The following PHF24 variants were observed in gnomAD, a reference collection of about 807,000 sequenced individuals.
The protein encoded by PHF24 is Galpha inhibitory interacting protein.
PHF24 carries 25 observed loss-of-function variants against 42.6 expected under a neutral mutation model. The ratio of observed to expected loss-of-function variants is 0.59; its 90% CI spans 0.43 to 0.82. PHF24 has a LOEUF of 0.82. PHF24 is among the 40% of genes least tolerant of loss of function. PHF24 has a pLI of 0.00. For missense variants in PHF24, 470 were observed against 538.1 expected (o/e 0.87, Z 1.25); for synonymous variants, 185 against 204.8 (o/e 0.90, Z 0.83).
intron 4 of PHF24, 104 bp from the exon 5 acceptor site, chr9:34,976,431 G>A (rs1827187200): frequency 8.0e-7 from 1 of 1,251,232 alleles, no homozygotes. Context: ...CAGAGACTTA[G>A]CAAGAGCTGT....
At chr9:34,752,165 CAA>C in the PHF24 span, among the ~76,000 whole-genome samples, 201 of 151,714 alleles carry the variant, frequency 1.3e-3, 1 homozygote, top group African/African-American at 4.5e-3. Flanking sequence ...AAACAAAACC[CAA>C]AGTTAGTAGA....
the PHF24 span, chr9:34,889,645 T>G: frequency 2.3e-5 from 9 of 398,580 alleles, no homozygotes; most frequent in African/African-American, 1.6e-4. Flanking sequence ...TCTGGAAGGA[T>G]GATGCTCTTG....
At chr9:34,858,803 GT>G in the PHF24 span, among the ~76,000 whole-genome samples, 95 of 152,296 alleles carry the variant, frequency 6.2e-4, no homozygotes, top group African/African-American at 2.1e-3. Context: ...TTAAAGGATA[GT>G]TTCTATTTAT....
At chr9:34,932,299 C>T in the PHF24 span, among the ~76,000 whole-genome samples, 2 of 152,152 alleles carry the variant, frequency 1.3e-5, no homozygotes, top group Non-Finnish European at 2.9e-5. Flanking sequence ...GCAAGAACTC[C>T]AGGGATGTGG....
chr9:34,908,819 CT>C, the PHF24 span, among the ~76,000 whole-genome samples: 17 of 150,044 alleles, frequency 1.1e-4, no homozygotes, highest in East Asian at 3.3e-3. Context: ...TTACCTCATC[CT>C]TTTTTTCTTT....
At chr9:34,897,648 A>G in the PHF24 span, among the ~76,000 whole-genome samples, 28,293 of 152,248 alleles carry the variant, frequency 0.19, 2,973 homozygotes, top group East Asian at 0.48. Flanking sequence ...TTTGACAAAC[A>G]AATGGATTAG....
chr9:34,731,860 T>C, the PHF24 span, among the ~76,000 whole-genome samples: 1 of 152,096 alleles, frequency 6.6e-6, no homozygotes, highest in Admixed American at 6.5e-5. Context: ...AGGTTTTTTT[T>C]TCTTTTTTTG....
chr9:34,915,223 G>A, the PHF24 span, among the ~76,000 whole-genome samples: 2 of 151,542 alleles, frequency 1.3e-5, no homozygotes, highest in Non-Finnish European at 2.9e-5. Flanking sequence ...TTGTAGAGAC[G>A]GGGTTTCACC....
the PHF24 span, among the ~76,000 whole-genome samples, chr9:34,878,507 C>T: frequency 1.1e-4 from 16 of 152,316 alleles, no homozygotes; most frequent in African/African-American, 3.8e-4. Flanking sequence ...AATCGGGACA[C>T]TCTCACCCTA....
the PHF24 span, among the ~76,000 whole-genome samples, chr9:34,879,463 T>A: frequency 6.6e-6 from 1 of 152,006 alleles, no homozygotes; most frequent in Non-Finnish European, 1.5e-5. Context: ...CTAAAAACCT[T>A]GAAAAAAGAT....
At chr9:34,835,687 C>G in the PHF24 span, 2 of 1,550,842 alleles carry the variant, frequency 1.3e-6, no homozygotes, top group Non-Finnish European at 1.7e-6. Flanking sequence ...AAATTCCGGC[C>G]CTAGCTGGAG....
the PHF24 span, among the ~76,000 whole-genome samples, chr9:34,766,302 A>G: frequency 4.6e-5 from 7 of 152,214 alleles, no homozygotes; most frequent in African/African-American, 1.7e-4. Context: ...GTGTTTTCCA[A>G]CTTGGTTCCA....
the PHF24 span, among the ~76,000 whole-genome samples, chr9:34,767,440 T>C: frequency 1.3e-5 from 2 of 152,250 alleles, no homozygotes; most frequent in African/African-American, 4.8e-5. Context: ...CGCTGCTGCC[T>C]TGCAGTTTGA....
At chr9:34,878,121 T>C in the PHF24 span, among the ~76,000 whole-genome samples, 2 of 152,158 alleles carry the variant, frequency 1.3e-5, no homozygotes, top group African/African-American at 4.8e-5. Flanking sequence ...TAATGCAATA[T>C]GTTAATAATA....
chr9:34,871,183 C>T, the PHF24 span, among the ~76,000 whole-genome samples: 1 of 152,152 alleles, frequency 6.6e-6, no homozygotes, highest in Non-Finnish European at 1.5e-5. Context: ...TTTGCAGTTC[C>T]CTAAGGACAT....
chr9:34,905,320 A>C, the PHF24 span, among the ~76,000 whole-genome samples: 24 of 152,226 alleles, frequency 1.6e-4, no homozygotes, highest in Non-Finnish European at 2.2e-4. Context: ...CCCATTTCTC[A>C]TCTAAGCCGC....
the PHF24 span, among the ~76,000 whole-genome samples, chr9:34,757,544 G>A: frequency 2.6e-5 from 4 of 151,974 alleles, no homozygotes; most frequent in South Asian, 4.2e-4. Context: ...TGAGTTCTAC[G>A]AATCTGGTGG....
At chr9:34,745,094 A>G in the PHF24 span, among the ~76,000 whole-genome samples, 1 of 152,236 alleles carries the variant, frequency 6.6e-6, no homozygotes, top group East Asian at 1.9e-4. Context: ...CTGAGTACAC[A>G]GGAGCAGAGG....
At chr9:34,784,772 T>C in the PHF24 span, among the ~76,000 whole-genome samples, 1 of 152,216 alleles carries the variant, frequency 6.6e-6, no homozygotes, top group Non-Finnish European at 1.5e-5. Context: ...GACATATGTT[T>C]TCTTAGTTTC....
Sources: allele counts gnomAD v4.1 joint callset (sites outside exome capture counted in the v4.1 genomes callset), GRCh38; gene constraint gnomAD v4.1.1; transcripts MANE v1.5; gene names NCBI Gene and HGNC (gene_info 2026-07-23, HGNC 2026-07-21).